SEMA3E: variants seen among roughly 807,000 people sequenced by gnomAD.
SEMA3E encodes semaphorin 3E.
SEMA3E carries 49 observed loss-of-function variants against 93.6 expected under a neutral mutation model. The ratio of observed to expected loss-of-function variants is 0.52; its 90% CI spans 0.42 to 0.66. The LOEUF is 0.66. Ranked by LOEUF, SEMA3E falls within the 30% of genes least tolerant of loss-of-function variation. SEMA3E has a pLI of 0.00. For synonymous variants in SEMA3E, 363 were observed against 330.7 expected (o/e 1.10, Z -1.06); for missense variants, 906 against 964.8 (o/e 0.94, Z 0.81).
At chr7:83,497,372 C>T (rs73174577) in intron 1 of SEMA3E, among the ~76,000 whole-genome samples, 4,387 of 152,162 alleles carry the variant, frequency 0.029, 89 homozygotes, top group African/African-American at 0.06. Context: ...CCGTCACCTG[C>T]CAAGTAAAGA....
At chr7:83,547,595 AC>A (rs1336176560) in intron 1 of SEMA3E, among the ~76,000 whole-genome samples, 1 of 152,138 alleles carries the variant, frequency 6.6e-6, no homozygotes, top group Non-Finnish European at 1.5e-5. Flanking sequence ...CTTTGGTATA[AC>A]TGCCACCAAA....
chr7:83,613,270 G>C (rs1288135401), intron 1 of SEMA3E, among the ~76,000 whole-genome samples: 1 of 151,922 alleles, frequency 6.6e-6, no homozygotes, highest in East Asian at 1.9e-4. Context: ...CCTCCTGTCA[G>C]TAAGAAAATG....
intron 3 of SEMA3E, among the ~76,000 whole-genome samples, chr7:83,467,057 C>CTTTTTT (rs59059670): frequency 1.7e-5 from 2 of 117,166 alleles, no homozygotes; most frequent in Non-Finnish European, 1.7e-5. Flanking sequence ...AATATGCAGT[C>CTTTTTT]TTTTTTTTTT....
rs1172097095 is a variant in SEMA3E at position 83,639,110 on chromosome 7, C to CAAAAA, written c.115+9313_115+9317dup. Among the ~76,000 whole-genome samples the CAAAAA allele has an allele frequency of 1.3e-3, 37 of 27,450 alleles. 2 individuals carry two copies. The highest frequency in any genetic ancestry group is 4.6e-3 in the African/African-American group (22 of 4,770). The allele number at this position is 27,450 out of a possible 152,430, so 18.0% of individuals were successfully genotyped here. A position where few individuals can be genotyped will look rare whatever the true frequency, so the allele number is the denominator to read the frequency against. ...TGGGCGACAGAGCGAGACTCCGTCT[C>CAAAAA]AAAAAAAAAAAAAAAAAAAAAAAAA... On this transcript the variant is annotated intron_variant, in intron 1 of 16. Transcript: ENST00000643230.
At chr7:83,543,508 T>C (rs1342277299) in intron 1 of SEMA3E, among the ~76,000 whole-genome samples, 1 of 152,144 alleles carries the variant, frequency 6.6e-6, no homozygotes, top group East Asian at 1.9e-4. Context: ...AAGTTCCATC[T>C]AATGTCATTC....
Position 83,376,853 on chromosome 7 carries a change from TTAAA to T in SEMA3E, c.1875+8437_1875+8440del, listed in dbSNP as rs550588423. ...AAGACACAGAAACACATATTTCCTC[TTAAA>T]TAGAGAATCCACAATAAAAAGATCA... On this transcript the variant is annotated intron_variant, in intron 16 of 16. Coordinates refer to ENST00000643230, the MANE Select transcript of SEMA3E (RefSeq NM_012431.3). Among the ~76,000 whole-genome samples the T allele has an allele frequency of 4.3e-3, 651 of 152,150 alleles. 2 individuals carry two copies. Among genetic ancestry groups the T allele is most frequent in the Non-Finnish European group, 6.9e-3 (470 of 67,928 alleles).
At chr7:83,541,693 G>A (rs1791534919) in intron 1 of SEMA3E, among the ~76,000 whole-genome samples, 1 of 152,086 alleles carries the variant, frequency 6.6e-6, no homozygotes, top group South Asian at 2.1e-4. Flanking sequence ...AGTATTGCCA[G>A]CAAATGCAAG....
At chr7:83,645,773 A>C (rs2115725225) in intron 1 of SEMA3E, among the ~76,000 whole-genome samples, 1 of 151,258 alleles carries the variant, frequency 6.6e-6, no homozygotes, top group African/African-American at 2.4e-5. Context: ...CTTTAATCCT[A>C]ATGATCCCTT....
intron 7 of SEMA3E, 56 bp downstream of exon 7, chr7:83,407,041 A>G: frequency 1.2e-6 from 2 of 1,602,064 alleles, no homozygotes; most frequent in Non-Finnish European, 8.5e-7. Flanking sequence ...TAAACTTAAT[A>G]AAGGCCTGAC....
At chr7:83,491,559 G>A (rs1002829933) in intron 1 of SEMA3E, among the ~76,000 whole-genome samples, 2 of 151,926 alleles carry the variant, frequency 1.3e-5, no homozygotes, top group African/African-American at 4.8e-5. Flanking sequence ...GAGATATTGA[G>A]TCTTTTGACT....
At chr7:83,604,579 A>G (rs974275359) in intron 1 of SEMA3E, among the ~76,000 whole-genome samples, 2 of 151,254 alleles carry the variant, frequency 1.3e-5, no homozygotes, top group African/African-American at 4.9e-5. Context: ...ATATAACCCA[A>G]CATATATATA....
At chr7:83,467,246 T>C (rs1453631521) in intron 3 of SEMA3E, among the ~76,000 whole-genome samples, 2 of 152,070 alleles carry the variant, frequency 1.3e-5, no homozygotes, top group Admixed American at 1.3e-4. Context: ...TTTGTATCTT[T>C]TGCAGAAATG....
intron 1 of SEMA3E, among the ~76,000 whole-genome samples, chr7:83,512,992 G>T (rs532399906): frequency 1.4e-4 from 21 of 152,064 alleles, no homozygotes; most frequent in Non-Finnish European, 2.6e-4. Context: ...TTGAAACACG[G>T]ATAGTAAAGA....
intron 14 of SEMA3E, among the ~76,000 whole-genome samples, chr7:83,390,359 A>C (rs773369808): frequency 1.1e-4 from 16 of 152,002 alleles, no homozygotes; most frequent in Non-Finnish European, 1.5e-4. Context: ...ATTGCGTATT[A>C]TTCTTATATC....
chr7:83,590,404 A>T (rs1323298083), intron 1 of SEMA3E, among the ~76,000 whole-genome samples: 1 of 152,162 alleles, frequency 6.6e-6, no homozygotes, highest in Non-Finnish European at 1.5e-5. Flanking sequence ...TGACTATTGG[A>T]AATATTAGGT....
chr7:83,585,484 G>A (rs1792607300), intron 1 of SEMA3E, among the ~76,000 whole-genome samples: 1 of 152,044 alleles, frequency 6.6e-6, no homozygotes, highest in Admixed American at 6.6e-5. Context: ...GCCAGAATGT[G>A]GAGATTTGTA....
At chr7:83,434,716 T>C (rs1257204268) in intron 4 of SEMA3E, among the ~76,000 whole-genome samples, 5 of 76,920 alleles carry the variant, frequency 6.5e-5, no homozygotes, top group African/African-American at 2.0e-4. Context: ...TTTCTTTTTT[T>C]TTTTTTTTTT....
chr7:83,531,706 GT>G (rs1284827027), intron 1 of SEMA3E, among the ~76,000 whole-genome samples: 1 of 152,062 alleles, frequency 6.6e-6, no homozygotes, highest in Non-Finnish European at 1.5e-5. Flanking sequence ...TTTCTTTCAT[GT>G]TTGCATGACA....
intron 1 of SEMA3E, among the ~76,000 whole-genome samples, chr7:83,539,579 T>G (rs575240021): frequency 1.3e-5 from 2 of 150,770 alleles, no homozygotes; most frequent in South Asian, 4.3e-4. Context: ...CTTGGTTTGC[T>G]AAATCAGTTA....
Sources: gnomAD v4.1 joint callset for allele counts (sites outside exome capture counted in the v4.1 genomes callset) on GRCh38, gnomAD v4.1.1 for gene constraint, MANE v1.5 for transcripts, NCBI Gene and HGNC (gene_info 2026-07-23, HGNC 2026-07-21) for gene names.